The following SYK variants were observed in gnomAD, a reference collection of about 807,000 sequenced individuals.
SYK encodes spleen associated tyrosine kinase, also known as tyrosine-protein kinase SYK.
A neutral mutation model predicts 77.8 loss-of-function variants in SYK; 16 were observed. The ratio of observed to expected loss-of-function variants is 0.21; its 90% CI spans 0.14 to 0.31. The LOEUF is 0.31. SYK is among the 10% of genes least tolerant of loss of function. SYK has a pLI of 1.00. For missense variants in SYK, 529 were observed against 814.4 expected, an observed-to-expected ratio of 0.65 and a Z score of 4.26; for synonymous variants, 312 against 308.7, an observed-to-expected ratio of 1.01 and a Z score of -0.11.
chr9:90,843,508 G>A (rs1183816112), intron 1 of SYK, among the ~76,000 whole-genome samples: 1 of 152,198 alleles, frequency 6.6e-6, no homozygotes, highest in Non-Finnish European at 1.5e-5. Flanking sequence ...CTGGGACCCT[G>A]AGGGTCAGCC....
At chr9:90,832,252 A>T (rs771000111) in intron 1 of SYK, among the ~76,000 whole-genome samples, 8 of 152,274 alleles carry the variant, frequency 5.3e-5, no homozygotes, top group Admixed American at 1.3e-4. Context: ...CATGCATAAG[A>T]TGGAAAGAGA....
chr9:90,846,737 C>T (rs1826611482), intron 3 of SYK, among the ~76,000 whole-genome samples: 1 of 150,826 alleles, frequency 6.6e-6, no homozygotes, highest in Non-Finnish European at 1.5e-5. Context: ...AAGAGTGGCC[C>T]AGGTTGCCAC....
At chr9:90,876,629 A>C (rs940822967) in intron 9 of SYK, among the ~76,000 whole-genome samples, 4 of 152,234 alleles carry the variant, frequency 2.6e-5, no homozygotes, top group Admixed American at 2.6e-4. Context: ...GTGAATTAAC[A>C]TAGACATGAC....
At position 90,814,538 on chromosome 9, in the gene SYK, G is replaced by C. The variant is rs150586006; in HGVS notation, c.-42+12645G>C. On this transcript the variant is annotated intron_variant, in intron 1 of 13. Transcript: ENST00000375754. ...AGCAAGGTCTGCCAGACACCAAGCT[G>C]CTCTCAGCCCATCCCCTGAGGAGCC... Among the ~76,000 whole-genome samples the C allele has an allele frequency of 7.2e-3, 1,092 of 152,224 alleles. 9 individuals are homozygous for C. Among genetic ancestry groups the C allele is most frequent in the African/African-American group, 0.025 (1,038 of 41,504 alleles).
At chr9:90,818,121 T>G (rs908904241) in intron 1 of SYK, among the ~76,000 whole-genome samples, 2 of 152,290 alleles carry the variant, frequency 1.3e-5, no homozygotes, top group Admixed American at 1.3e-4. Flanking sequence ...TGCATTGGGC[T>G]CCGCTTGTGG....
chr9:90,872,725 C>T (rs1042059976), intron 7 of SYK, among the ~76,000 whole-genome samples: 16 of 152,236 alleles, frequency 1.1e-4, no homozygotes, highest in Non-Finnish European at 2.2e-4. Context: ...TTAGATTATA[C>T]TTCACATCTC....
At chr9:90,884,200 T>TACGTGTATATATACACACATACACAC (rs1828288487) in intron 11 of SYK, among the ~76,000 whole-genome samples, 3 of 151,640 alleles carry the variant, frequency 2.0e-5, no homozygotes, top group Admixed American at 1.3e-4. Flanking sequence ...CACATACACA[T>TACGTGTATATATACACACATACACAC]ACGTGTATAT....
Position 90,895,440 on chromosome 9 carries a change from C to G in SYK, c.1836-88C>G, listed in dbSNP as rs551990882. On this transcript the variant is annotated intron_variant, in intron 13 of 13. Transcript: ENST00000375754. The surrounding 1 kb of genome is among the most constrained non-coding windows in gnomAD (Gnocchi z 4.4). ...AGTTAGCCACCAGGGAGCAGCACCA[C>G]TGGTACTCAGCCTGCAGAGGCCCTG... 5.0e-6 allele frequency: 7 copies of G among 1,404,064 alleles called. No homozygotes were observed. The South Asian group carries it at 7.1e-5, about 14-fold the overall frequency. The allele number at this position is 1,404,064 out of a possible 1,614,324, so 87.0% of individuals were successfully genotyped here. A position where few individuals can be genotyped will look rare whatever the true frequency, so the allele number is the denominator to read the frequency against.
At chr9:90,868,134 A>G (rs1424622271) in intron 7 of SYK, among the ~76,000 whole-genome samples, 1 of 152,218 alleles carries the variant, frequency 6.6e-6, no homozygotes, top group Non-Finnish European at 1.5e-5. Context: ...GTTTACTCAT[A>G]CTCAAGAAGT....
intron 1 of SYK, among the ~76,000 whole-genome samples, chr9:90,830,239 G>A (rs931635115): frequency 2.0e-5 from 3 of 152,238 alleles, no homozygotes; most frequent in Non-Finnish European, 4.4e-5. Flanking sequence ...TGATGCACAG[G>A]CAGGCCTCAG....
intron 1 of SYK, among the ~76,000 whole-genome samples, chr9:90,840,465 G>A (rs1048832123): frequency 2.0e-5 from 3 of 151,688 alleles, no homozygotes; most frequent in Non-Finnish European, 2.9e-5. Context: ...GAATGCAGGC[G>A]TGAGCCACCG....
chr9:90,806,007 A>G (rs1488962985), intron 1 of SYK, among the ~76,000 whole-genome samples: 2 of 152,194 alleles, frequency 1.3e-5, no homozygotes, highest in Non-Finnish European at 2.9e-5. Context: ...TTATTCTCTC[A>G]TTTGAGATTA....
Position 90,895,036 on chromosome 9 carries a change from G to A in SYK, c.1836-492G>A, listed in dbSNP as rs190836061. ...AAAATCCAGAGCCATCGATTAGAGC[G>A]TGGAAAGGGAGAATTAAAGTTATGT... On this transcript the variant is annotated intron_variant, in intron 13 of 13. Transcript: ENST00000375754. This position sits in a 1 kb window ranked among gnomAD's most constrained non-coding sequence, Gnocchi z 4.4. 1.4e-4 allele frequency among the ~76,000 whole-genome samples: 21 copies of A among 152,328 alleles called. No homozygotes were observed. The highest frequency in any genetic ancestry group is 1.9e-4 in the East Asian group (1 of 5,184).
intron 1 of SYK, among the ~76,000 whole-genome samples, chr9:90,813,443 CA>C (rs925085856): frequency 1.7e-5 from 2 of 119,236 alleles, no homozygotes; most frequent in Non-Finnish European, 3.9e-5. Flanking sequence ...CATCCAGTTC[CA>C]AGAAGTGGCT....
intron 3 of SYK, among the ~76,000 whole-genome samples, chr9:90,850,447 C>A (rs544296966): frequency 2.6e-5 from 4 of 152,036 alleles, no homozygotes; most frequent in African/African-American, 9.7e-5. Context: ...ACCCAGGAGG[C>A]GGAGGTTGCA....
chr9:90,873,084 G>C (rs971088855), intron 7 of SYK, among the ~76,000 whole-genome samples: 1 of 152,184 alleles, frequency 6.6e-6, no homozygotes, highest in African/African-American at 2.4e-5. Flanking sequence ...AGAAGGTCCG[G>C]GTGTTTGGAA....
At chr9:90,828,566 C>T (rs574740727) in intron 1 of SYK, among the ~76,000 whole-genome samples, 3 of 152,232 alleles carry the variant, frequency 2.0e-5, no homozygotes, top group East Asian at 3.9e-4. Context: ...GGCTGCAACC[C>T]CACCCTGTCC....
rs74647253 is a variant in SYK at position 90,849,623 on chromosome 9, A to G, written c.578+4029A>G. Among the ~76,000 whole-genome samples, 31 of 152,308 alleles carry G rather than the reference A, an allele frequency of 2.0e-4. No individual in the cohort carries two copies. In the East Asian group the frequency reaches 4.0e-3, roughly 20 times the overall value. On this transcript the variant is annotated intron_variant, in intron 3 of 13. Coordinates refer to ENST00000375754, the MANE Select transcript of SYK (RefSeq NM_003177.7). ...TGCAGGGACACAGCAATAGATATAG[A>G]AATATAAAAACATGACACTGCGCAC...
chr9:90,839,682 A>T (rs1826222075), intron 1 of SYK, among the ~76,000 whole-genome samples: 2 of 152,182 alleles, frequency 1.3e-5, no homozygotes, highest in Non-Finnish European at 2.9e-5. Flanking sequence ...TGTTCCTACA[A>T]AGTTACTGTC....
Sources: gnomAD v4.1 joint callset for allele counts (sites outside exome capture counted in the v4.1 genomes callset) on GRCh38, gnomAD v4.1.1 for gene constraint, Gnocchi (gnomAD v3.1) non-coding constraint, MANE v1.5 for transcripts, NCBI Gene and HGNC (gene_info 2026-07-23, HGNC 2026-07-21) for gene names.